The following BMAL2 variants were observed in gnomAD, a reference collection of about 807,000 sequenced individuals.
The protein encoded by BMAL2 is basic helix-loop-helix ARNT-like protein 2.
At chr12:27,409,738 A>G in the BMAL2 span, among the ~76,000 whole-genome samples, 5 of 151,922 alleles carry the variant, frequency 3.3e-5, no homozygotes, top group Non-Finnish European at 5.9e-5. Context: ...GCCAAAATTG[A>G]CAAATGGGAT....
chr12:27,387,686 A>G, the BMAL2 span, among the ~76,000 whole-genome samples: 1 of 152,202 alleles, frequency 6.6e-6, no homozygotes, highest in Non-Finnish European at 1.5e-5. Flanking sequence ...CTTTATGGTT[A>G]ATTATTAAGT....
At chr12:27,376,604 A>G in the BMAL2 span, among the ~76,000 whole-genome samples, 7 of 152,328 alleles carry the variant, frequency 4.6e-5, no homozygotes, top group African/African-American at 1.7e-4. Context: ...ACTTTCTCTT[A>G]GAATAGCTTA....
chr12:27,364,266 C>T, the BMAL2 span, among the ~76,000 whole-genome samples: 1 of 152,174 alleles, frequency 6.6e-6, no homozygotes, highest in African/African-American at 2.4e-5. Context: ...CGGAGGAACA[C>T]AAACATTCAA....
chr12:27,369,827 AC>A, the BMAL2 span, among the ~76,000 whole-genome samples: 1 of 152,152 alleles, frequency 6.6e-6, no homozygotes, highest in African/African-American at 2.4e-5. Flanking sequence ...AATATAAGAA[AC>A]ATGCGAAGTA....
chr12:27,352,399 A>G, the BMAL2 span, among the ~76,000 whole-genome samples: 2 of 152,270 alleles, frequency 1.3e-5, no homozygotes, highest in African/African-American at 4.8e-5. Flanking sequence ...CAAACTAGGC[A>G]TCGAAGGAAC....
the BMAL2 span, among the ~76,000 whole-genome samples, chr12:27,346,526 G>C: frequency 6.6e-6 from 1 of 152,176 alleles, no homozygotes; most frequent in African/African-American, 2.4e-5. Flanking sequence ...GCCTCCCAAA[G>C]TGCTAGGATT....
chr12:27,419,556 C>T, the BMAL2 span, among the ~76,000 whole-genome samples: 6 of 152,170 alleles, frequency 3.9e-5, no homozygotes, highest in Non-Finnish European at 7.4e-5. Flanking sequence ...TTCTCAACAC[C>T]ATTGCATTGG....
the BMAL2 span, among the ~76,000 whole-genome samples, chr12:27,360,589 G>A: frequency 1.3e-5 from 2 of 151,956 alleles, no homozygotes; most frequent in Non-Finnish European, 2.9e-5. Context: ...TTAACTCAAT[G>A]TTGTTTTCCT....
the BMAL2 span, among the ~76,000 whole-genome samples, chr12:27,345,571 C>A: frequency 3.9e-5 from 6 of 152,204 alleles, no homozygotes; most frequent in Non-Finnish European, 8.8e-5. Context: ...TCACTGCAGC[C>A]TCCACGCCTT....
At chr12:27,387,489 T>C in the BMAL2 span, among the ~76,000 whole-genome samples, 9 of 152,234 alleles carry the variant, frequency 5.9e-5, no homozygotes, top group Non-Finnish European at 1.2e-4. Flanking sequence ...TAAGGATCTT[T>C]ATGACTGATT....
the BMAL2 span, chr12:27,376,516 C>A: frequency 1.1e-5 from 8 of 709,602 alleles, no homozygotes; most frequent in Admixed American, 8.9e-5. Context: ...TTGTTATGCT[C>A]TGAGAAGCAA....
the BMAL2 span, among the ~76,000 whole-genome samples, chr12:27,362,713 T>C: frequency 2.6e-5 from 4 of 152,362 alleles, no homozygotes; most frequent in South Asian, 8.3e-4. Context: ...ACTTTTTTTT[T>C]AGTTTACTTG....
the BMAL2 span, among the ~76,000 whole-genome samples, chr12:27,376,764 G>A: frequency 1.4e-3 from 213 of 151,938 alleles, 2 homozygotes; most frequent in Admixed American, 0.012. Context: ...ACTTTGGGAG[G>A]CCGAGGCAGG....
At chr12:27,351,612 G>A in the BMAL2 span, among the ~76,000 whole-genome samples, 2 of 152,148 alleles carry the variant, frequency 1.3e-5, no homozygotes, top group Admixed American at 6.5e-5. Flanking sequence ...AGATCCCTAC[G>A]TAGGGACAGC....
the BMAL2 span, among the ~76,000 whole-genome samples, chr12:27,420,012 T>TGC: frequency 9.3e-5 from 6 of 64,818 alleles, no homozygotes; most frequent in African/African-American, 1.5e-4. Context: ...TTCCAGGGTT[T>TGC]GCGCGTGCAC....
At chr12:27,336,257 C>A in the BMAL2 span, among the ~76,000 whole-genome samples, 1 of 152,098 alleles carries the variant, frequency 6.6e-6, no homozygotes, top group Non-Finnish European at 1.5e-5. Context: ...GAGACATCCG[C>A]CTGTTCTGTG....
chr12:27,413,970 T>C, the BMAL2 span, among the ~76,000 whole-genome samples: 1 of 152,160 alleles, frequency 6.6e-6, no homozygotes, highest in East Asian at 1.9e-4. Flanking sequence ...AGTTCAAGGC[T>C]GTAGTGCACT....
the BMAL2 span, chr12:27,400,636 G>T: frequency 6.2e-7 from 1 of 1,613,906 alleles, no homozygotes; most frequent in Non-Finnish European, 8.5e-7. Context: ...AAAGACAACA[G>T]TAATTTTACC....
the BMAL2 span, among the ~76,000 whole-genome samples, chr12:27,418,475 C>T: frequency 6.6e-6 from 1 of 151,816 alleles, no homozygotes; most frequent in African/African-American, 2.4e-5. Context: ...CATGATGGCT[C>T]ATGTCTATAG....
Sources: gnomAD v4.1 joint callset for allele counts (sites outside exome capture counted in the v4.1 genomes callset) on GRCh38, gnomAD v4.1.1 for gene constraint, MANE v1.5 for transcripts, NCBI Gene and HGNC (gene_info 2026-07-23, HGNC 2026-07-21) for gene names.